The following THADA variants were observed in gnomAD, a reference collection of about 807,000 sequenced individuals.
THADA encodes THADA armadillo repeat containing, also known as tRNA (32-2'-O)-methyltransferase regulator THADA.
Under a neutral mutation model 219.8 loss-of-function variants are expected in THADA, and 213 were observed. That is an observed-to-expected ratio of 0.97 (90% CI 0.87 to 1.09). The LOEUF (loss-of-function observed/expected upper bound fraction) is 1.09, where lower values mean the gene tolerates loss of function less well. Ranked by LOEUF, THADA falls within the 50% of genes least tolerant of loss-of-function variation. The pLI, the probability that THADA is intolerant of heterozygous loss-of-function variation, is 0.00. For synonymous variants in THADA, 1,018 were observed against 828.9 expected (o/e 1.23, Z -3.92); for missense variants, 2,956 against 2,311.3 (o/e 1.28, Z -5.72).
intron 21 of THADA, among the ~76,000 whole-genome samples, chr2:43,540,627 C>T (rs1463922210): frequency 6.6e-6 from 1 of 152,066 alleles, no homozygotes; most frequent in Non-Finnish European, 1.5e-5. Context: ...AAATGAAATG[C>T]TTGTGGTAAG....
chr2:43,430,695 C>T, intron 26 of THADA: 1 of 454,978 alleles, frequency 2.2e-6, no homozygotes, highest in South Asian at 1.6e-5. Context: ...ACAAGCGTTC[C>T]CAACCCTGGC....
chr2:43,550,414 A>G (rs1696616300), intron 19 of THADA, among the ~76,000 whole-genome samples: 1 of 152,158 alleles, frequency 6.6e-6, no homozygotes, highest in African/African-American at 2.4e-5. Context: ...ACTAACAATG[A>G]CCCCAAAAGA....
intron 36 of THADA, among the ~76,000 whole-genome samples, chr2:43,248,704 T>C (rs1403425056): frequency 6.6e-6 from 1 of 152,200 alleles, no homozygotes; most frequent in Admixed American, 6.5e-5. Context: ...GGAATCCGTT[T>C]TGAAAGTTTT....
At chr2:43,430,835 T>A (rs1679152295) in intron 26 of THADA, among the ~76,000 whole-genome samples, 1 of 152,184 alleles carries the variant, frequency 6.6e-6, no homozygotes, top group African/African-American at 2.4e-5. Context: ...CCAACAATCA[T>A]GACAATGAAA....
chr2:43,335,878 C>A lies in THADA; in HGVS notation c.4343+8244G>T, dbSNP rs541831064. On this transcript the variant is annotated intron_variant, in intron 30 of 37. Transcript: ENST00000405975. ...CTTTGGGAGGCCGAGGCAGGTGGATCATGAGGTCAGGAGATCGAGACCATC... is the reference window on the plus strand; with the variant it reads ...CTTTGGGAGGCCGAGGCAGGTGGATAATGAGGTCAGGAGATCGAGACCATC... Among the ~76,000 whole-genome samples, 88 of 151,394 alleles carry A rather than the reference C, an allele frequency of 5.8e-4. 1 individual carries two copies. The highest frequency in any genetic ancestry group is 2.9e-4 in the Non-Finnish European group (20 of 67,908).
At chr2:43,497,363 G>C (rs1688393009) in intron 25 of THADA, among the ~76,000 whole-genome samples, 1 of 152,118 alleles carries the variant, frequency 6.6e-6, no homozygotes, top group South Asian at 2.1e-4. Flanking sequence ...GCCATAAAAA[G>C]GAATGAGATC....
chr2:43,579,329 G>C (rs1456480718), intron 8 of THADA, among the ~76,000 whole-genome samples: 4 of 152,134 alleles, frequency 2.6e-5, no homozygotes, highest in Non-Finnish European at 5.9e-5. Flanking sequence ...AGAGATTTCA[G>C]GGCTTGTATA....
chr2:43,573,999 T>C (rs530994518), intron 11 of THADA, among the ~76,000 whole-genome samples: 45 of 152,366 alleles, frequency 3.0e-4, no homozygotes, highest in African/African-American at 1.0e-3. Context: ...CTCAATGACT[T>C]GAATAAGCAC....
At chr2:43,250,406 G>A (rs1669696281) in intron 36 of THADA, among the ~76,000 whole-genome samples, 1 of 152,206 alleles carries the variant, frequency 6.6e-6, no homozygotes, top group Admixed American at 6.5e-5. Flanking sequence ...GGATAGTGGG[G>A]ACTACTTAAT....
intron 20 of THADA, among the ~76,000 whole-genome samples, chr2:43,547,349 G>C (rs1424197899): frequency 6.6e-6 from 1 of 152,038 alleles, no homozygotes; most frequent in Admixed American, 6.6e-5. Flanking sequence ...ATCTGTCTTG[G>C]AGTTGCTCTT....
intron 21 of THADA, among the ~76,000 whole-genome samples, chr2:43,529,198 G>A (rs1440228246): frequency 1.3e-5 from 2 of 151,546 alleles, no homozygotes; most frequent in African/African-American, 4.8e-5. Flanking sequence ...TATCACCCAG[G>A]CTGGAGTGCA....
chr2:43,384,302 T>G (rs1190900661), intron 29 of THADA, among the ~76,000 whole-genome samples: 1 of 152,192 alleles, frequency 6.6e-6, no homozygotes, highest in Non-Finnish European at 1.5e-5. Flanking sequence ...ATGAGGCTGT[T>G]GAGCTCTTGG....
intron 26 of THADA, among the ~76,000 whole-genome samples, chr2:43,475,050 G>A (rs920109633): frequency 2.0e-5 from 3 of 152,184 alleles, no homozygotes; most frequent in Non-Finnish European, 4.4e-5. Context: ...ACTGACCTAA[G>A]TTGAGTTCAG....
At chr2:43,587,341 C>T (rs1701131206) in intron 4 of THADA, among the ~76,000 whole-genome samples, 1 of 152,196 alleles carries the variant, frequency 6.6e-6, no homozygotes, top group Non-Finnish European at 1.5e-5. Flanking sequence ...CCTACAAGGT[C>T]CTCCCGATAC....
At chr2:43,466,272 C>T (rs1684224893) in intron 26 of THADA, among the ~76,000 whole-genome samples, 1 of 152,202 alleles carries the variant, frequency 6.6e-6, no homozygotes, top group Non-Finnish European at 1.5e-5. Flanking sequence ...TTAATGTCTT[C>T]AAGAAATTCT....
At chr2:43,570,271 G>GAA in intron 14 of THADA, 117 bp downstream of exon 14, 1 of 1,084,960 alleles carries the variant, frequency 9.2e-7, no homozygotes, top group East Asian at 2.7e-5. Context: ...CAGCTTGAAG[G>GAA]AAAAAAACAC....
At chr2:43,435,186 G>A (rs1000060528) in intron 26 of THADA, among the ~76,000 whole-genome samples, 15 of 152,154 alleles carry the variant, frequency 9.9e-5, no homozygotes, top group Admixed American at 3.9e-4. Context: ...CAGGCGCAGC[G>A]GCTCACGACT....
At chr2:43,495,550 ATGC>A (rs1465963950) in intron 25 of THADA, among the ~76,000 whole-genome samples, 3 of 152,040 alleles carry the variant, frequency 2.0e-5, no homozygotes, top group Admixed American at 6.6e-5. Context: ...TGTTCTTATT[ATGC>A]TTTTCTTTAT....
intron 29 of THADA, among the ~76,000 whole-genome samples, chr2:43,382,706 T>C (rs772569113): frequency 9.9e-5 from 15 of 152,226 alleles, no homozygotes; most frequent in Non-Finnish European, 1.5e-4. Context: ...TTCTAACTGC[T>C]GCACTAAAAT....
Sources: allele counts gnomAD v4.1 joint callset (sites outside exome capture counted in the v4.1 genomes callset), GRCh38; gene constraint gnomAD v4.1.1; transcripts MANE v1.5; gene names NCBI Gene and HGNC (gene_info 2026-07-23, HGNC 2026-07-21).